ITIH5: variants seen among roughly 807,000 people sequenced by gnomAD.
The protein encoded by ITIH5 is inter-alpha-trypsin inhibitor heavy chain 5, also known as inter-alpha-trypsin inhibitor heavy chain H5.
ITIH5 carries 65 observed loss-of-function variants against 77.5 expected under a neutral mutation model. The observed-to-expected ratio is 0.84, with a 90% CI of 0.69 to 1.03. ITIH5 has a LOEUF of 1.03. Ranked by LOEUF, ITIH5 falls within the 50% of genes least tolerant of loss-of-function variation. The pLI is 0.00. For missense variants in ITIH5, 1,208 were observed against 1,213.1 expected (o/e 1.00, Z 0.06); for synonymous variants, 525 against 494.3 (o/e 1.06, Z -0.82).
chr10:7,657,907 C>A (rs982081730), intron 1 of ITIH5, among the ~76,000 whole-genome samples: 1 of 152,164 alleles, frequency 6.6e-6, no homozygotes, highest in East Asian at 1.9e-4. Context: ...TCACAGTGAC[C>A]AACAGGTGCA....
At chr10:7,623,790 A>G (rs577269417) in intron 5 of ITIH5, among the ~76,000 whole-genome samples, 128 of 142,474 alleles carry the variant, frequency 9.0e-4, no homozygotes, top group South Asian at 8.5e-3. Flanking sequence ...GCGACAGAGT[A>G]AGACTCCATC....
At chr10:7,591,054 G>A (rs1005624516) in intron 7 of ITIH5, among the ~76,000 whole-genome samples, 2 of 152,120 alleles carry the variant, frequency 1.3e-5, no homozygotes, top group Admixed American at 6.5e-5. Context: ...ACGCCATCAC[G>A]CTCAGCTAAT....
chr10:7,619,417 T>C (rs912624244), intron 5 of ITIH5: 4 of 157,846 alleles, frequency 2.5e-5, no homozygotes, highest in South Asian at 1.7e-4. Context: ...AATCTCACAG[T>C]ATTGAAAAGA....
chr10:7,604,947 G>A (rs918328414), intron 7 of ITIH5, among the ~76,000 whole-genome samples: 1 of 152,026 alleles, frequency 6.6e-6, no homozygotes, highest in Non-Finnish European at 1.5e-5. Flanking sequence ...TCAGCCTCCT[G>A]AGTAGCTGGG....
chr10:7,594,133 G>C (rs906384501), intron 7 of ITIH5, among the ~76,000 whole-genome samples: 2 of 152,232 alleles, frequency 1.3e-5, no homozygotes, highest in African/African-American at 4.8e-5. Flanking sequence ...AGGATGCCCA[G>C]AGAGGCAGAA....
In ITIH5 at chr10:7,637,247, C is replaced by T. The variant is rs375762038; in HGVS notation, c.633G>A (p.Arg211=). 6.2e-6 allele frequency: 10 copies of T among 1,609,452 alleles called. No individual in the cohort carries two copies. Among genetic ancestry groups the T allele is most frequent in the African/African-American group, 4.0e-5 (3 of 74,944 alleles). Residue 211 remains arginine, a synonymous_variant, in exon 5 of 14, where the codon AGG becomes AGA. Coordinates refer to ENST00000397146, the MANE Select transcript of ITIH5 (RefSeq NM_030569.7). ...EVLPLHNSRQ[R]GSGRGEDDSG... ...ACTCACCTTCCCCGCGCCCACTGCC[C>T]CTCTGCCTGCTGTTGTGAAGCGGCA... is the stretch of plus-strand genomic sequence containing the variant.
chr10:7,573,267 G>T, intron 10 of ITIH5, 72 bp from the exon 11 acceptor site: 1 of 1,263,118 alleles, frequency 7.9e-7, no homozygotes. Context: ...CAAAGGGAGA[G>T]AGGAGACATG....
intron 10 of ITIH5, 117 bp from the exon 11 acceptor site, chr10:7,573,312 C>A: frequency 1.3e-6 from 1 of 770,898 alleles, no homozygotes; most frequent in South Asian, 1.6e-5. Flanking sequence ...TTTGTAACAG[C>A]TTAAATAATC....
In ITIH5 at chr10:7,566,218, A is replaced by G; in HGVS notation, c.2339T>C (p.Val780Ala). 6.2e-7 allele frequency: 1 copy of G among 1,613,836 alleles called. No individual in the cohort carries two copies. The highest frequency in any genetic ancestry group is 8.5e-7 in the Non-Finnish European group (1 of 1,179,906). Residue 780 changes from valine (V) to alanine (A), a missense_variant, in exon 13 of 14, where the codon GTG (valine) becomes GCG (alanine). By Grantham distance (64) the Val-to-Ala change is moderately conservative. Transcript: ENST00000397146. The stretch of plus-strand genomic sequence containing the variant: ...CACCTCCAGCCCCCAGCTCCCCACC[A>G]CCACACTCTGGTTGCAGGGGAGCAC... ...RLVLPCNQSVVVGSWGLEVSV... is the reference protein window; with the variant it reads ...RLVLPCNQSVAVGSWGLEVSV...
At chr10:7,664,090 T>C (rs1485618302) in intron 1 of ITIH5, among the ~76,000 whole-genome samples, 1 of 152,222 alleles carries the variant, frequency 6.6e-6, no homozygotes, top group Non-Finnish European at 1.5e-5. Flanking sequence ...CAAAATATCC[T>C]TTAAAAATAC....
intron 2 of ITIH5, among the ~76,000 whole-genome samples, chr10:7,646,047 T>C (rs1834004803): frequency 6.6e-6 from 1 of 152,250 alleles, no homozygotes; most frequent in South Asian, 2.1e-4. Flanking sequence ...TTCTAAATTA[T>C]CCATGATTAA....
chr10:7,615,932 T>C (rs1833354744), intron 7 of ITIH5, 50 bp downstream of exon 7: 2 of 1,144,430 alleles, frequency 1.7e-6, no homozygotes, highest in African/African-American at 3.0e-5. Context: ...CAAGTCATTG[T>C]CCCAGGCAAA....
chr10:7,641,038 C>T (rs1410374947), intron 3 of ITIH5, among the ~76,000 whole-genome samples, 183 bp from the exon 4 acceptor site: 3 of 152,180 alleles, frequency 2.0e-5, no homozygotes, highest in Admixed American at 1.3e-4. Context: ...CAATTTTCAA[C>T]AGGTCCAAAT....
rs147365814 is a variant in ITIH5 at position 7,660,728 on chromosome 10, G to A, written c.91-5053C>T. ...AGTCATCTCGAGAGTCCATCCATGG[G>A]AAAGAATGGGAGGCAGGAGGAGAGA... is the stretch of plus-strand genomic sequence containing the variant. On this transcript the variant is annotated intron_variant, in intron 1 of 13. Transcript: ENST00000397146. Among the ~76,000 whole-genome samples, 484 of 152,318 alleles carry A rather than the reference G, an allele frequency of 3.2e-3. 3 individuals are homozygous for A. The highest frequency in any genetic ancestry group is 0.011 in the African/African-American group (444 of 41,576).
chr10:7,590,336 A>T (rs12778153), intron 7 of ITIH5, among the ~76,000 whole-genome samples: 43,171 of 151,868 alleles, frequency 0.28, 6,474 homozygotes, highest in East Asian at 0.49. Context: ...ATATTCCTTT[A>T]CTTCCTTTGT....
intron 8 of ITIH5, 45 bp from the exon 9 acceptor site, chr10:7,580,109 T>G: frequency 6.7e-7 from 1 of 1,490,312 alleles, no homozygotes; most frequent in Non-Finnish European, 9.1e-7. Context: ...TGCACTCACC[T>G]CCGCACTCTG....
At chr10:7,584,295 CTTTCTTTTTTT>C (rs1022729421) in intron 8 of ITIH5, among the ~76,000 whole-genome samples, 3 of 122,244 alleles carry the variant, frequency 2.5e-5, no homozygotes, top group African/African-American at 6.2e-5. Context: ...CATTTTCTTT[CTTTCTTTTTTT>C]TTTCTTTTTT....
chr10:7,664,458 G>A (rs185837643), intron 1 of ITIH5, among the ~76,000 whole-genome samples: 5 of 151,382 alleles, frequency 3.3e-5, no homozygotes, highest in East Asian at 1.9e-4. Flanking sequence ...AATCATCTGC[G>A]CCCCATCCCA....
At chr10:7,602,633 G>A (rs1005361511) in intron 7 of ITIH5, among the ~76,000 whole-genome samples, 13 of 152,066 alleles carry the variant, frequency 8.5e-5, no homozygotes, top group African/African-American at 2.4e-4. Flanking sequence ...CAAGACATGC[G>A]GAACTGAGAG....
Sources: gnomAD v4.1 joint callset for allele counts (sites outside exome capture counted in the v4.1 genomes callset) on GRCh38, gnomAD v4.1.1 for gene constraint, MANE v1.5 for transcripts, NCBI Gene and HGNC (gene_info 2026-07-23, HGNC 2026-07-21) for gene names.